Variants in SPECC1 observed in about 807,000 individuals in gnomAD.
SPECC1 encodes sperm antigen with calponin homology and coiled-coil domains 1.
In SPECC1, 62 loss-of-function variants were observed where a neutral mutation model predicts 104.1. The ratio of observed to expected loss-of-function variants is 0.60; its 90% confidence interval spans 0.49 to 0.74. The LOEUF (loss-of-function observed/expected upper bound fraction) is 0.74. SPECC1 is among the 30% of genes least tolerant of loss of function. The pLI, the probability that SPECC1 is intolerant of heterozygous loss-of-function variation, is 0.00. For missense variants in SPECC1, 1,306 were observed against 1,310.5 expected (o/e 1.00, Z 0.05); for synonymous variants, 513 against 501.6 (o/e 1.02, Z -0.30).
intron 4 of SPECC1, among the ~76,000 whole-genome samples, chr17:20,212,490 G>A (rs1005207201): frequency 3.9e-5 from 6 of 152,190 alleles, no homozygotes; most frequent in Non-Finnish European, 8.8e-5. Context: ...GACAAAATAA[G>A]AGAGCTTGTG....
At chr17:20,156,027 G>A (rs989165563) in intron 3 of SPECC1, 2 of 1,286,328 alleles carry the variant, frequency 1.6e-6, no homozygotes, top group Non-Finnish European at 2.0e-6. Context: ...GCGCGGGAGA[G>A]CAGCGGCTCC....
At chr17:20,241,678 A>G (rs1567976951) in intron 7 of SPECC1, among the ~76,000 whole-genome samples, 3 of 148,248 alleles carry the variant, frequency 2.0e-5, no homozygotes, top group Non-Finnish European at 4.4e-5. Context: ...TGTTCAAATT[A>G]CTTTCTTATC....
intron 1 of SPECC1, among the ~76,000 whole-genome samples, chr17:20,029,022 A>C (rs956010287): frequency 6.6e-6 from 1 of 152,156 alleles, no homozygotes; most frequent in Non-Finnish European, 1.5e-5. Flanking sequence ...TCAGCCTCCC[A>C]AAGTGCTGGG....
chr17:20,135,882 G>A (rs1437015299), intron 3 of SPECC1, among the ~76,000 whole-genome samples: 21 of 152,176 alleles, frequency 1.4e-4, no homozygotes, highest in Admixed American at 1.3e-3. Flanking sequence ...TATAAGAGAG[G>A]GCATAGGCAT....
At chr17:20,266,792 A>G (rs1307270794) in intron 12 of SPECC1, among the ~76,000 whole-genome samples, 1 of 152,184 alleles carries the variant, frequency 6.6e-6, no homozygotes, top group Non-Finnish European at 1.5e-5. Flanking sequence ...GAATGGTACA[A>G]TTTATACATA....
At chr17:20,227,301 G>A in intron 4 of SPECC1, 112 bp from the exon 5 acceptor site, 1 of 846,586 alleles carries the variant, frequency 1.2e-6, no homozygotes, top group South Asian at 1.6e-5. Flanking sequence ...TTCATGTTCA[G>A]GTTTGTTACA....
At chr17:20,251,606 C>A (rs1031773465) in intron 9 of SPECC1, among the ~76,000 whole-genome samples, 2 of 152,172 alleles carry the variant, frequency 1.3e-5, no homozygotes, top group Non-Finnish European at 2.9e-5. Context: ...AAATAATGTT[C>A]TGGAAAGCCT....
intron 3 of SPECC1, among the ~76,000 whole-genome samples, chr17:20,116,623 TA>T (rs2048768138): frequency 6.6e-6 from 1 of 152,018 alleles, no homozygotes; most frequent in Non-Finnish European, 1.5e-5. Flanking sequence ...GTACAAGATA[TA>T]AAATGTAATA....
At chr17:20,287,139 C>G (rs535112957) in intron 12 of SPECC1, among the ~76,000 whole-genome samples, 7 of 152,124 alleles carry the variant, frequency 4.6e-5, no homozygotes, top group Non-Finnish European at 8.8e-5. Context: ...TGGCTTTGGC[C>G]GGGCGCGGGT....
intron 3 of SPECC1, among the ~76,000 whole-genome samples, chr17:20,119,273 C>T (rs773630584): frequency 3.9e-5 from 6 of 152,118 alleles, no homozygotes; most frequent in Non-Finnish European, 7.4e-5. Context: ...GACGGAGTTT[C>T]GCTCTTGTTG....
chr17:20,202,612 C>T (rs1207001627), intron 3 of SPECC1, among the ~76,000 whole-genome samples: 1 of 152,084 alleles, frequency 6.6e-6, no homozygotes, highest in Non-Finnish European at 1.5e-5. Flanking sequence ...TTCTGAATAA[C>T]ATTTTCTTTT....
At chr17:20,041,622 T>TC (rs2045332831) in intron 1 of SPECC1, among the ~76,000 whole-genome samples, 1 of 77,024 alleles carries the variant, frequency 1.3e-5, no homozygotes, top group African/African-American at 3.3e-5. Flanking sequence ...TGTTGAGGCT[T>TC]TTTTTTTTTT....
At chr17:20,058,154 C>T (rs925093863) in intron 1 of SPECC1, among the ~76,000 whole-genome samples, 5 of 152,036 alleles carry the variant, frequency 3.3e-5, no homozygotes, top group Non-Finnish European at 5.9e-5. Context: ...CTTTATCAGC[C>T]TTATCAAAGT....
At chr17:20,148,380 C>T (rs1181765397) in intron 3 of SPECC1, among the ~76,000 whole-genome samples, 2 of 152,058 alleles carry the variant, frequency 1.3e-5, no homozygotes, top group African/African-American at 4.8e-5. Context: ...ACTGGGACTA[C>T]AGGTGCACAC....
At chr17:20,149,866 G>A (rs1051557405) in intron 3 of SPECC1, among the ~76,000 whole-genome samples, 4 of 152,086 alleles carry the variant, frequency 2.6e-5, no homozygotes, top group African/African-American at 9.7e-5. Context: ...TTTATAAATC[G>A]AAATATATAA....
chr17:20,084,887 G>A (rs1264399235), intron 1 of SPECC1, among the ~76,000 whole-genome samples: 2 of 152,008 alleles, frequency 1.3e-5, no homozygotes, highest in Non-Finnish European at 2.9e-5. Flanking sequence ...GTGGGGGTGG[G>A]AGTCACACAG....
chr17:20,210,112 T>C (rs1166769245), intron 4 of SPECC1, among the ~76,000 whole-genome samples: 1 of 152,106 alleles, frequency 6.6e-6, no homozygotes, highest in Non-Finnish European at 1.5e-5. Context: ...TGGTCAGAGA[T>C]GGCAGAACCA....
intron 12 of SPECC1, among the ~76,000 whole-genome samples, chr17:20,274,810 C>CT (rs1011672188): frequency 1.3e-5 from 2 of 151,382 alleles, no homozygotes; most frequent in Non-Finnish European, 2.9e-5. Flanking sequence ...ACCTCTTGTA[C>CT]TTTTTTTGGT....
chr17:20,069,827 T>A (rs2046483677), intron 1 of SPECC1, among the ~76,000 whole-genome samples: 1 of 152,020 alleles, frequency 6.6e-6, no homozygotes, highest in Admixed American at 6.5e-5. Flanking sequence ...ATAATTAACA[T>A]TTATAAATAT....
Sources: gnomAD v4.1 joint callset for allele counts (sites outside exome capture counted in the v4.1 genomes callset) on GRCh38, gnomAD v4.1.1 for gene constraint, MANE v1.5 for transcripts, NCBI Gene and HGNC (gene_info 2026-07-23, HGNC 2026-07-21) for gene names.